The following ACACA variants were observed in gnomAD, a reference collection of about 807,000 sequenced individuals.
The protein encoded by ACACA is acetyl-CoA carboxylase 1.
A neutral mutation model predicts 296.1 loss-of-function variants in ACACA; 103 were observed. That is an observed-to-expected ratio of 0.35 (90% CI 0.30 to 0.41). The LOEUF (loss-of-function observed/expected upper bound fraction) is 0.41, where lower values mean the gene tolerates loss of function less well. Ranked by LOEUF, ACACA falls within the 10% of genes least tolerant of loss-of-function variation. The probability of loss-of-function intolerance (pLI) is 1.00; values close to 1 mark genes in which losing one functional copy is unlikely to be tolerated. For missense variants in ACACA, 1,554 were observed against 2,989.7 expected (o/e 0.52, Z 11.20); for synonymous variants, 953 against 1,038.6 (o/e 0.92, Z 1.58).
At chr17:37,124,349 A>G (rs2074673862) in intron 48 of ACACA, among the ~76,000 whole-genome samples, 1 of 152,218 alleles carries the variant, frequency 6.6e-6, no homozygotes, top group Admixed American at 6.5e-5. Flanking sequence ...AGCAATCCCT[A>G]TTCTTCTAAT....
chr17:37,211,003 C>A lies in ACACA; in HGVS notation c.3684-513G>T, dbSNP rs913606128. Among the ~76,000 whole-genome samples, 45 of 152,094 alleles carry A rather than the reference C, an allele frequency of 3.0e-4. 1 individual carries two copies. The highest frequency in any genetic ancestry group is 1.2e-4 in the Non-Finnish European group (8 of 68,016). On this transcript the variant is annotated intron_variant, in intron 29 of 55. Coordinates refer to ENST00000616317, the MANE Select transcript of ACACA (RefSeq NM_198834.3). The stretch of plus-strand genomic sequence containing the variant: ...AGGATATGTGACAGACCTACAAATT[C>A]TCCACCAAAGAAAAGTATCCAGGAA...
chr17:37,228,360 C>T (rs1053585660), intron 25 of ACACA, among the ~76,000 whole-genome samples: 2 of 151,976 alleles, frequency 1.3e-5, no homozygotes, highest in Admixed American at 1.3e-4. Context: ...TCACCCATTT[C>T]ACCCAGATAA....
At chr17:37,391,780 A>T in intron 1 of ACACA, 1 of 1,446,590 alleles carries the variant, frequency 6.9e-7, no homozygotes, top group Non-Finnish European at 9.7e-7. Context: ...CTCCCTATTA[A>T]TATGGGCACA....
In ACACA at chr17:37,248,067, C is replaced by T. The variant is rs1350637997; in HGVS notation, c.2253G>A (p.Leu751=). 2 of 1,614,038 alleles carry T rather than the reference C, an allele frequency of 1.2e-6. No homozygotes were observed. Among genetic ancestry groups the T allele is most frequent in the African/African-American group, 2.7e-5 (2 of 74,916 alleles). ...AACTGCTGCCATCATAGGACAAGAGCAGTCCACCGTCACTCAGCCGATGTA... is the reference window on the plus strand; with the variant it reads ...AACTGCTGCCATCATAGGACAAGAGTAGTCCACCGTCACTCAGCCGATGTA... The part of the protein sequence containing the change: ...VDVHRLSDGG[L]LLSYDGSSYT... Residue 751 remains leucine, a synonymous_variant, in exon 18 of 56, where the codon CTG becomes CTA. Transcript: ENST00000616317.
At chr17:37,201,945 G>C (rs1598157912) in intron 33 of ACACA, among the ~76,000 whole-genome samples, 1 of 151,926 alleles carries the variant, frequency 6.6e-6, no homozygotes, top group Non-Finnish European at 1.5e-5. Flanking sequence ...AAGATAACTG[G>C]AAAAATTAAT....
intron 22 of ACACA, among the ~76,000 whole-genome samples, chr17:37,242,551 G>A (rs946977454): frequency 2.0e-5 from 3 of 151,876 alleles, no homozygotes; most frequent in Non-Finnish European, 4.4e-5. Context: ...AACATAACGA[G>A]ACCCCCATCT....
At chr17:37,146,668 A>C (rs1460754227) in intron 45 of ACACA, among the ~76,000 whole-genome samples, 2 of 23,314 alleles carry the variant, frequency 8.6e-5, no homozygotes, top group Non-Finnish European at 1.5e-4. Flanking sequence ...GGTGGGGGGG[A>C]AGGGGGGGGC....
intron 50 of ACACA, among the ~76,000 whole-genome samples, chr17:37,119,277 A>G (rs1203516597): frequency 6.6e-6 from 1 of 151,760 alleles, no homozygotes; most frequent in Non-Finnish European, 1.5e-5. Flanking sequence ...TGCTCAAGAC[A>G]TTTTTCTTGT....
At chr17:37,098,405 G>A (rs1041572511) in intron 52 of ACACA, among the ~76,000 whole-genome samples, 2 of 152,222 alleles carry the variant, frequency 1.3e-5, no homozygotes, top group Non-Finnish European at 2.9e-5. Context: ...TATTCCACAC[G>A]TGGGATGTGG....
chr17:37,241,158 G>A (rs1204501990), intron 23 of ACACA, among the ~76,000 whole-genome samples: 1 of 152,046 alleles, frequency 6.6e-6, no homozygotes. Context: ...TTGTGCTACT[G>A]TACTACAACC....
At chr17:37,245,385 A>T (rs1294022100) in intron 19 of ACACA, among the ~76,000 whole-genome samples, 171 bp from the exon 20 acceptor site, 1 of 152,192 alleles carries the variant, frequency 6.6e-6, no homozygotes, top group African/African-American at 2.4e-5. Flanking sequence ...GCAATTAGAA[A>T]ATCTCTCAGT....
At chr17:37,183,199 G>C (rs967490667) in intron 39 of ACACA, among the ~76,000 whole-genome samples, 2 of 152,174 alleles carry the variant, frequency 1.3e-5, no homozygotes, top group Non-Finnish European at 2.9e-5. Context: ...GTTTGGCCAA[G>C]CTTTGTGATG....
intron 16 of ACACA, among the ~76,000 whole-genome samples, chr17:37,251,308 T>A (rs1305109312): frequency 2.6e-5 from 4 of 152,054 alleles, no homozygotes; most frequent in Non-Finnish European, 5.9e-5. Flanking sequence ...TACATGAGAG[T>A]AACATAGTGA....
intron 17 of ACACA, 24 bp from the exon 18 acceptor site, chr17:37,248,180 C>T (rs1280227324): frequency 4.3e-6 from 7 of 1,613,826 alleles, no homozygotes; most frequent in Non-Finnish European, 5.9e-6. Context: ...GAATGAGGAT[C>T]AGTGTGTCCC....
At chr17:37,171,309 C>T (rs1419310827) in intron 41 of ACACA, among the ~76,000 whole-genome samples, 4 of 152,098 alleles carry the variant, frequency 2.6e-5, no homozygotes, top group Non-Finnish European at 5.9e-5. Flanking sequence ...GCATCATCTG[C>T]ATCATAAAGA....
intron 9 of ACACA, among the ~76,000 whole-genome samples, chr17:37,273,252 T>A (rs1271772596): frequency 1.3e-5 from 2 of 152,230 alleles, no homozygotes; most frequent in African/African-American, 4.8e-5. Flanking sequence ...TTTTCTACAA[T>A]AGCCTCTTTC....
Position 37,130,206 on chromosome 17 carries a change from C to T in ACACA, c.5692G>A (p.Glu1898Lys). 2 of 1,614,176 alleles carry T rather than the reference C, an allele frequency of 1.2e-6. No homozygotes were observed. Among genetic ancestry groups the T allele is most frequent in the Non-Finnish European group, 1.7e-6 (2 of 1,180,028 alleles). ...AGALNKVLGR[E>K]VYTSNNQLGG... ...AGCTGGTTATTGGAGGTGTACACTT[C>T]CCGCCCGAGGACCTAGAGAAAAGAG... The change falls in exon 46 of 56, where the codon GAA becomes AAA. Residue 1898 changes from glutamate (E) to lysine (K), a missense_variant. By Grantham distance (56) the Glu-to-Lys change is moderately conservative. Around this residue, in one of 16 missense-constraint regions of ACACA, gnomAD observed 553 missense variants for 1,043.6 expected, o/e 0.53. Coordinates refer to ENST00000616317, the MANE Select transcript of ACACA (RefSeq NM_198834.3).
At chr17:37,375,558 A>G (rs1365119544) in intron 1 of ACACA, among the ~76,000 whole-genome samples, 1 of 152,184 alleles carries the variant, frequency 6.6e-6, no homozygotes, top group Admixed American at 6.6e-5. Context: ...CAAGAAGTCA[A>G]GTAATTTTCT....
chr17:37,106,540 G>A (rs11654466), intron 52 of ACACA, among the ~76,000 whole-genome samples: 1 of 151,898 alleles, frequency 6.6e-6, no homozygotes. Context: ...TATATTAATA[G>A]AAAACCCAGA....
Sources: gnomAD v4.1 joint callset for allele counts (sites outside exome capture counted in the v4.1 genomes callset) on GRCh38, gnomAD v4.1.1 for gene constraint, gnomAD v4.1.1 regional missense constraint, MANE v1.5 for transcripts, NCBI Gene and HGNC (gene_info 2026-07-23, HGNC 2026-07-21) for gene names.